The following CLMN variants were observed in gnomAD, a reference collection of about 807,000 sequenced individuals.
CLMN encodes the protein calmin (calponin-like, transmembrane).
A neutral mutation model predicts 92.7 loss-of-function variants in CLMN; 57 were observed. The ratio of observed to expected loss-of-function variants is 0.61; its 90% confidence interval spans 0.50 to 0.77. The LOEUF (loss-of-function observed/expected upper bound fraction) is 0.77. Among genes scored for constraint, CLMN ranks in the 30% least tolerant of loss-of-function variants. The probability of loss-of-function intolerance (pLI) is 0.00; values close to 1 mark genes in which losing one functional copy is unlikely to be tolerated. For missense variants in CLMN, 1,158 were observed against 1,237.5 expected (o/e 0.94, Z 0.96); for synonymous variants, 466 against 470.6 (o/e 0.99, Z 0.13).
At chr14:95,204,549 A>G (rs1763729) in intron 8 of CLMN, 86 bp from the exon 9 acceptor site, 259,052 of 1,257,934 alleles carry the variant, frequency 0.21, 32,453 homozygotes, top group African/African-American at 0.51. Context: ...AGTAAGAAGA[A>G]TATTTAAGTA....
chr14:95,252,489 C>T (rs777013410), intron 1 of CLMN, among the ~76,000 whole-genome samples: 1 of 152,202 alleles, frequency 6.6e-6, no homozygotes, highest in East Asian at 1.9e-4. Context: ...AGACTCATTG[C>T]TTACGAGTAG....
At chr14:95,201,753 CAAT>C (rs994494172) in intron 9 of CLMN, among the ~76,000 whole-genome samples, 1 of 148,542 alleles carries the variant, frequency 6.7e-6, no homozygotes, top group African/African-American at 2.5e-5. Context: ...CACCCCCCAA[CAAT>C]GTGTGTTGTT....
chr14:95,289,502 T>TAAACAAAC (rs770702666), intron 1 of CLMN, among the ~76,000 whole-genome samples: 4 of 92,958 alleles, frequency 4.3e-5, no homozygotes, highest in Non-Finnish European at 9.7e-5. Context: ...AATAAATAAA[T>TAAACAAAC]AAATAAACAA....
intron 1 of CLMN, among the ~76,000 whole-genome samples, chr14:95,255,985 T>C (rs1169359468): frequency 6.6e-6 from 1 of 152,212 alleles, no homozygotes; most frequent in Admixed American, 6.5e-5. Flanking sequence ...CTTTAATCCG[T>C]ATTCTTTTAA....
At chr14:95,201,691 A>C (rs562825266) in intron 9 of CLMN, among the ~76,000 whole-genome samples, 1 of 151,836 alleles carries the variant, frequency 6.6e-6, no homozygotes, top group African/African-American at 2.4e-5. Context: ...CTAGGTTTTA[A>C]GGCCCGCATG....
In CLMN at chr14:95,203,444, G is replaced by C; in HGVS notation, c.1905C>G (p.Ser635=). ...KMDKHEPHQD[S]GEEAEGCPSA... ...AAGGACAGCCTTCAGCTTCTTCTCC[G>C]GAGTCCTGATGAGGTTCATGTTTGT... is the stretch of plus-strand genomic sequence containing the variant. The change falls in exon 9 of 13, where the codon TCC becomes TCG. Residue 635 remains serine (S), a synonymous_variant. Coordinates refer to ENST00000298912, the MANE Select transcript of CLMN (RefSeq NM_024734.4). 6.2e-7 allele frequency: 1 copy of C among 1,614,046 alleles called. No homozygotes were observed. The highest frequency in any genetic ancestry group is 1.1e-5 in the South Asian group (1 of 91,068).
Position 95,196,676 on chromosome 14 carries a change from G to T in CLMN, c.2530C>A (p.Leu844Met), listed in dbSNP as rs765140217. ...DSHQSQESPN[L>M]ENIANPLEEN... ...TCTAGGGGGTTTGCTATGTTTTCCA[G>T]GTTTGGGGATTCCTGGGACTGAAAG... Residue 844 changes from leucine (L) to methionine (M), a missense_variant, in exon 10 of 13, where the codon CTG becomes ATG. By Grantham distance (15) the Leu-to-Met change is conservative (BLOSUM62 2). Coordinates refer to ENST00000298912, the MANE Select transcript of CLMN (RefSeq NM_024734.4). 2.5e-6 allele frequency: 4 copies of T among 1,612,940 alleles called. No individual in the cohort carries two copies. Among genetic ancestry groups the T allele is most frequent in the Admixed American group, 3.3e-5 (2 of 59,718 alleles).
At chr14:95,248,521 C>T (rs1173605092) in intron 1 of CLMN, among the ~76,000 whole-genome samples, 1 of 152,156 alleles carries the variant, frequency 6.6e-6, no homozygotes, top group African/African-American at 2.4e-5. Flanking sequence ...TGACCTCGTC[C>T]CTGACCAGGA....
Position 95,194,598 on chromosome 14 carries a change from T to G in CLMN, c.2709-2A>C, listed in dbSNP as rs772917350. The G allele has an allele frequency of 1.9e-6, 3 of 1,614,094 alleles. No homozygotes were observed. The highest frequency in any genetic ancestry group is 2.2e-5 in the South Asian group (2 of 91,074). On this transcript the variant is annotated splice_acceptor_variant, in intron 10 of 12. Transcript: ENST00000298912. LOFTEE classifies it high-confidence loss of function. The surrounding 1 kb of genome is among the most constrained non-coding windows in gnomAD (Gnocchi z 4.0). Reference sequence around the variant, plus strand: ...ATGCTGGAGTCACTGTGACTAGTCCTGAAAAACAAACACATGTTTTGAATT... The same window carrying G: ...ATGCTGGAGTCACTGTGACTAGTCCGGAAAAACAAACACATGTTTTGAATT...
intron 4 of CLMN, among the ~76,000 whole-genome samples, chr14:95,217,363 A>C (rs555219613): frequency 2.1e-3 from 323 of 152,298 alleles, no homozygotes; most frequent in South Asian, 3.5e-3. Context: ...GTTTCCGACA[A>C]CACCAATCAT....
At chr14:95,282,081 T>C (rs538086267) in intron 1 of CLMN, among the ~76,000 whole-genome samples, 9 of 152,192 alleles carry the variant, frequency 5.9e-5, no homozygotes, top group Non-Finnish European at 1.3e-4. Context: ...AGTGAGAACA[T>C]GTCAATTGGG....
At chr14:95,215,848 TG>T in intron 4 of CLMN, 115 bp from the exon 5 acceptor site, 1 of 672,784 alleles carries the variant, frequency 1.5e-6, no homozygotes, top group Non-Finnish European at 2.6e-6. Flanking sequence ...TGTGTGTGTG[TG>T]TGTGTGTGTG....
In CLMN at chr14:95,182,809, C is replaced by T. The variant is rs1320315152; in HGVS notation, c.*8755G>A. 1 of 151,674 alleles carries T rather than the reference C, an allele frequency of 6.6e-6. No homozygotes were observed. Among genetic ancestry groups the T allele is most frequent in the African/African-American group, 2.4e-5 (1 of 40,978 alleles). 9.4% of individuals were successfully genotyped at this position (151,674 alleles called of 1,614,324 possible). On this transcript the variant is annotated 3_prime_UTR_variant, in exon 13 of 13. Coordinates refer to ENST00000298912, the MANE Select transcript of CLMN (RefSeq NM_024734.4). The stretch of plus-strand genomic sequence containing the variant: ...AAAAGAAATTCCCTTAGGAAACTGC[C>T]TCAGATGCTGACGTAATTTAAGGAG...
intron 2 of CLMN, among the ~76,000 whole-genome samples, chr14:95,226,329 G>A (rs1897710278): frequency 6.6e-6 from 1 of 151,898 alleles, no homozygotes; most frequent in South Asian, 2.1e-4. Flanking sequence ...CGTTCAGGGA[G>A]TAATGACAAG....
intron 1 of CLMN, among the ~76,000 whole-genome samples, chr14:95,236,886 G>T (rs534281749): frequency 1.3e-5 from 2 of 151,574 alleles, no homozygotes; most frequent in East Asian, 3.9e-4. Flanking sequence ...TGTGGGAATG[G>T]TGTGGGGAGG....
At chr14:95,244,565 T>G (rs1022693206) in intron 1 of CLMN, among the ~76,000 whole-genome samples, 1 of 152,236 alleles carries the variant, frequency 6.6e-6, no homozygotes, top group Non-Finnish European at 1.5e-5. Context: ...CAGATGATTC[T>G]GACAGGGAAG....
rs1319097741 is a variant in CLMN, at chr14:95,182,527, G to T, written c.*9037C>A. ...AGTGACATAGGCAGCATCTTATGGT[G>T]CAATTTCAAGGGCAGAGGGCAGGTG... On this transcript the variant is annotated 3_prime_UTR_variant, in exon 13 of 13. Coordinates refer to ENST00000298912, the MANE Select transcript of CLMN (RefSeq NM_024734.4). The T allele has an allele frequency of 6.6e-6, 1 of 152,250 alleles. No individual in the cohort carries two copies. Among genetic ancestry groups the T allele is most frequent in the Non-Finnish European group, 1.5e-5 (1 of 68,058 alleles). 9.4% of individuals were successfully genotyped at this position (152,250 alleles called of 1,614,324 possible). A position where few individuals can be genotyped will look rare whatever the true frequency, so the allele number is the denominator to read the frequency against.
intron 1 of CLMN, among the ~76,000 whole-genome samples, chr14:95,301,982 G>A (rs1424581731): frequency 1.3e-5 from 2 of 152,170 alleles, no homozygotes; most frequent in Non-Finnish European, 2.9e-5. Context: ...TCATTCAGTT[G>A]GGCCACCACA....
intron 1 of CLMN, among the ~76,000 whole-genome samples, chr14:95,249,345 A>C (rs1245578799): frequency 6.6e-6 from 1 of 152,194 alleles, no homozygotes; most frequent in African/African-American, 2.4e-5. Flanking sequence ...AGACACATTC[A>C]AACCTGGTGG....
Sources: gnomAD v4.1 joint callset for allele counts (sites outside exome capture counted in the v4.1 genomes callset) on GRCh38, gnomAD v4.1.1 for gene constraint, Gnocchi (gnomAD v3.1) non-coding constraint, MANE v1.5 for transcripts, NCBI Gene and HGNC (gene_info 2026-07-23, HGNC 2026-07-21) for gene names.